Variants in PPM1E observed in about 807,000 individuals in gnomAD.
PPM1E encodes protein phosphatase 1E.
PPM1E carries 20 observed loss-of-function variants against 65.9 expected under a neutral mutation model. That is an observed-to-expected ratio of 0.30 (90% CI 0.21 to 0.44). PPM1E has a LOEUF of 0.44. Among genes scored for constraint, PPM1E ranks in the 20% least tolerant of loss-of-function variants. The pLI is 1.00. For synonymous variants in PPM1E, 352 were observed against 374.9 expected (o/e 0.94, Z 0.70); for missense variants, 713 against 953.1 (o/e 0.75, Z 3.32).
intron 1 of PPM1E, among the ~76,000 whole-genome samples, chr17:58,847,144 A>G (rs1376739276): frequency 1.3e-5 from 2 of 151,968 alleles, no homozygotes; most frequent in Non-Finnish European, 2.9e-5. Context: ...AAATTTATTT[A>G]AGTTCTTTGT....
At chr17:58,837,427 T>A (rs1244995684) in intron 1 of PPM1E, among the ~76,000 whole-genome samples, 1 of 151,600 alleles carries the variant, frequency 6.6e-6, no homozygotes, top group African/African-American at 2.4e-5. Context: ...CTCAGAAAAA[T>A]TTATTGGACT....
chr17:58,764,157 G>A (rs1189271607), intron 1 of PPM1E, among the ~76,000 whole-genome samples: 1 of 151,426 alleles, frequency 6.6e-6, no homozygotes, highest in Admixed American at 6.6e-5. Context: ...AAAATCCTGT[G>A]TGTACTTTAC....
At chr17:58,782,328 CAA>C (rs1200852208) in intron 1 of PPM1E, among the ~76,000 whole-genome samples, 1 of 151,416 alleles carries the variant, frequency 6.6e-6, no homozygotes, top group Admixed American at 6.6e-5. Context: ...TAAATTATAA[CAA>C]TGAGTGTTTT....
intron 1 of PPM1E, among the ~76,000 whole-genome samples, chr17:58,923,284 C>CAAAA (rs60557317): frequency 3.9e-5 from 4 of 102,424 alleles, no homozygotes; most frequent in South Asian, 3.2e-4. Flanking sequence ...GACCCTATCT[C>CAAAA]AAAAAAAAAA....
intron 1 of PPM1E, among the ~76,000 whole-genome samples, chr17:58,799,412 GC>G (rs1030017044): frequency 4.6e-5 from 7 of 150,864 alleles, no homozygotes; most frequent in African/African-American, 1.7e-4. Flanking sequence ...CCCCTGAGCA[GC>G]TGGGACCACA....
intron 1 of PPM1E, among the ~76,000 whole-genome samples, chr17:58,760,718 A>C (rs1567825644): frequency 6.6e-6 from 1 of 152,158 alleles, no homozygotes; most frequent in Non-Finnish European, 1.5e-5. Flanking sequence ...TTAGGGTGCA[A>C]CTACAAATTT....
chr17:58,852,330 C>T (rs529558343), intron 1 of PPM1E, among the ~76,000 whole-genome samples: 6 of 152,250 alleles, frequency 3.9e-5, no homozygotes, highest in South Asian at 2.1e-4. Context: ...AGAAATCACC[C>T]GTCTTCTGTG....
intron 1 of PPM1E, among the ~76,000 whole-genome samples, chr17:58,868,310 C>T (rs961034826): frequency 6.6e-6 from 1 of 152,116 alleles, no homozygotes; most frequent in Non-Finnish European, 1.5e-5. Context: ...CAGAATGAGA[C>T]CCTGTCTCAA....
At chr17:58,961,540 A>G (rs1703600624) in intron 2 of PPM1E, among the ~76,000 whole-genome samples, 1 of 152,248 alleles carries the variant, frequency 6.6e-6, no homozygotes, top group Admixed American at 6.5e-5. Flanking sequence ...GACAGCGTGA[A>G]CAAAGTATAA....
intron 1 of PPM1E, among the ~76,000 whole-genome samples, chr17:58,784,315 G>A (rs1465173376): frequency 9.2e-5 from 14 of 151,936 alleles, no homozygotes; most frequent in Non-Finnish European, 2.1e-4. Context: ...GAGCCACCAC[G>A]TCCGGTCCTT....
At chr17:58,841,932 C>A (rs1178415649) in intron 1 of PPM1E, among the ~76,000 whole-genome samples, 1 of 152,170 alleles carries the variant, frequency 6.6e-6, no homozygotes, top group East Asian at 1.9e-4. Context: ...TGGTCTTGAA[C>A]TCCTGACCTC....
At chr17:58,868,495 A>G (rs1026595252) in intron 1 of PPM1E, among the ~76,000 whole-genome samples, 2 of 150,240 alleles carry the variant, frequency 1.3e-5, no homozygotes, top group Non-Finnish European at 3.0e-5. Context: ...GGGCACTCCT[A>G]TTCTTCCTTT....
chr17:58,871,445 T>C (rs2051068674), intron 1 of PPM1E, among the ~76,000 whole-genome samples: 1 of 152,194 alleles, frequency 6.6e-6, no homozygotes, highest in East Asian at 1.9e-4. Context: ...GCCTTTCAGT[T>C]GGCAAGAACA....
intron 1 of PPM1E, among the ~76,000 whole-genome samples, chr17:58,811,562 CTG>C (rs2050368349): frequency 6.6e-6 from 1 of 152,266 alleles, no homozygotes; most frequent in African/African-American, 2.4e-5. Context: ...GTATTGTTAA[CTG>C]TTATGTTAAA....
At chr17:58,827,772 C>A (rs1322443602) in intron 1 of PPM1E, among the ~76,000 whole-genome samples, 4 of 148,308 alleles carry the variant, frequency 2.7e-5, no homozygotes, top group Non-Finnish European at 6.0e-5. Flanking sequence ...CGTGGTGGCG[C>A]GCGCCTGTAG....
At chr17:58,814,667 G>GT (rs1175239076) in intron 1 of PPM1E, among the ~76,000 whole-genome samples, 1 of 151,984 alleles carries the variant, frequency 6.6e-6, no homozygotes, top group Admixed American at 6.6e-5. Context: ...GGTTGACAAT[G>GT]TTTTTTTTCT....
chr17:58,866,840 T>C (rs1412172601), intron 1 of PPM1E, among the ~76,000 whole-genome samples: 1 of 152,264 alleles, frequency 6.6e-6, no homozygotes. Context: ...AGTACCTTTT[T>C]CTATGTTCCT....
Position 58,984,676 on chromosome 17 carries a change from A to C in PPM1E, c.*3645A>C, listed in dbSNP as rs2031631385. Reference sequence around the variant, plus strand: ...GCAAATAGCTTAAATGTCTCTTGCAAAACAAAGTAAGATACCACCAGTATT... The same window carrying C: ...GCAAATAGCTTAAATGTCTCTTGCACAACAAAGTAAGATACCACCAGTATT... On this transcript the variant is annotated 3_prime_UTR_variant, in exon 7 of 7. Transcript: ENST00000308249. 6.6e-6 allele frequency: 1 copy of C among 152,656 alleles called. No homozygotes were observed. The highest frequency in any genetic ancestry group is 2.4e-5 in the African/African-American group (1 of 41,466). The allele number at this position is 152,656 out of a possible 1,614,324, so 9.5% of individuals were successfully genotyped here. A position where few individuals can be genotyped will look rare whatever the true frequency, so the allele number is the denominator to read the frequency against.
chr17:58,921,133 G>C (rs2051744924), intron 1 of PPM1E, among the ~76,000 whole-genome samples: 1 of 152,210 alleles, frequency 6.6e-6, no homozygotes, highest in Admixed American at 6.5e-5. Flanking sequence ...AAAGCACTGA[G>C]AATTAGAGCC....
Sources: gnomAD v4.1 joint callset for allele counts (sites outside exome capture counted in the v4.1 genomes callset) on GRCh38, gnomAD v4.1.1 for gene constraint, MANE v1.5 for transcripts, NCBI Gene and HGNC (gene_info 2026-07-23, HGNC 2026-07-21) for gene names.